The following RPRD1A variants were observed in gnomAD, a reference collection of about 807,000 sequenced individuals.
RPRD1A encodes the protein regulation of nuclear pre-mRNA domain containing 1A, also known as regulation of nuclear pre-mRNA domain-containing protein 1A.
Under a neutral mutation model 37.8 loss-of-function variants are expected in RPRD1A, and 9 were observed. The ratio of observed to expected loss-of-function variants is 0.24; its 90% confidence interval spans 0.14 to 0.42. The LOEUF is 0.42. Among genes scored for constraint, RPRD1A ranks in the 10% least tolerant of loss-of-function variants. RPRD1A has a pLI of 1.00. For synonymous variants in RPRD1A, 138 were observed against 139.7 expected, an observed-to-expected ratio of 0.99 and a Z score of 0.08; for missense variants, 255 against 371.0, an observed-to-expected ratio of 0.69 and a Z score of 2.57.
chr18:36,066,577 ACTTCATT>A (rs1398088443), intron 1 of RPRD1A, among the ~76,000 whole-genome samples: 18 of 152,230 alleles, frequency 1.2e-4, no homozygotes, highest in Non-Finnish European at 2.2e-4. Context: ...AAAAAAGTTT[ACTTCATT>A]TACAGGAACA....
intron 4 of RPRD1A, among the ~76,000 whole-genome samples, chr18:36,029,515 CTTGTT>C (rs1233973320): frequency 1.3e-5 from 2 of 151,774 alleles, no homozygotes; most frequent in Non-Finnish European, 2.9e-5. Flanking sequence ...ATACATTCGC[CTTGTT>C]TTAAGAGTAT....
chr18:36,048,384 C>A (rs1913117550), intron 1 of RPRD1A, among the ~76,000 whole-genome samples: 1 of 151,946 alleles, frequency 6.6e-6, no homozygotes, highest in African/African-American at 2.4e-5. Flanking sequence ...ACATTCTTAA[C>A]AAAATATTAG....
intron 6 of RPRD1A, among the ~76,000 whole-genome samples, chr18:36,001,902 T>C (rs544155818): frequency 1.2e-4 from 19 of 152,344 alleles, no homozygotes; most frequent in Middle Eastern, 3.4e-3. Flanking sequence ...TTTCATTGGA[T>C]ATATAATTCT....
At chr18:36,020,376 G>A (rs1910914551) in intron 6 of RPRD1A, among the ~76,000 whole-genome samples, 1 of 152,158 alleles carries the variant, frequency 6.6e-6, no homozygotes, top group African/African-American at 2.4e-5. Context: ...GATGTCCTAT[G>A]TTATCTAACC....
intron 6 of RPRD1A, among the ~76,000 whole-genome samples, chr18:36,009,691 G>T (rs945981893): frequency 6.6e-6 from 1 of 152,148 alleles, no homozygotes; most frequent in African/African-American, 2.4e-5. Context: ...CAACCATTAT[G>T]AATAGAACTT....
intron 1 of RPRD1A, among the ~76,000 whole-genome samples, chr18:36,057,272 T>C (rs947346990): frequency 1.3e-5 from 2 of 148,756 alleles, no homozygotes; most frequent in African/African-American, 4.9e-5. Flanking sequence ...CACACACACA[T>C]ACACACACCT....
intron 6 of RPRD1A, among the ~76,000 whole-genome samples, chr18:36,017,922 T>C (rs1001211367): frequency 6.6e-6 from 1 of 152,252 alleles, no homozygotes; most frequent in South Asian, 2.1e-4. Flanking sequence ...GGATTACTAC[T>C]GTTCATTTCT....
intron 1 of RPRD1A, among the ~76,000 whole-genome samples, chr18:36,048,952 A>AG (rs1365595208): frequency 1.3e-5 from 2 of 152,260 alleles, no homozygotes; most frequent in Non-Finnish European, 2.9e-5. Flanking sequence ...CACAGGCTGG[A>AG]GTGCAGTGGC....
In RPRD1A at chr18:36,031,099, TAA is replaced by T. The variant is rs377216293; in HGVS notation, c.282-4_282-3del. ...TTCTTACAACTTTCATCAGTTTCAC[TAA>T]AAAAAAAAAAAAAGAAAAAAAGAAA... On this transcript the variant is annotated splice_polypyrimidine_tract_variant and splice_region_variant and intron_variant, in intron 2 of 6. Coordinates refer to ENST00000399022, the MANE Select transcript of RPRD1A (RefSeq NM_018170.5). 0.026 allele frequency: 33,893 copies of T among 1,280,000 alleles called. No homozygotes were observed. The highest frequency in any genetic ancestry group is 0.058 in the South Asian group (3,404 of 59,072). 79.3% of individuals were successfully genotyped at this position (1,280,000 alleles called of 1,614,324 possible). A position where few individuals can be genotyped will look rare whatever the true frequency, so the allele number is the denominator to read the frequency against.
intron 6 of RPRD1A, among the ~76,000 whole-genome samples, chr18:36,005,348 C>CA (rs895969572): frequency 6.6e-6 from 1 of 151,786 alleles, no homozygotes; most frequent in Non-Finnish European, 1.5e-5. Context: ...CTATTTAAAA[C>CA]AAAAAAAGAA....
At chr18:36,062,174 G>A (rs1464956490) in intron 1 of RPRD1A, among the ~76,000 whole-genome samples, 9 of 151,260 alleles carry the variant, frequency 6.0e-5, no homozygotes, top group South Asian at 4.2e-4. Flanking sequence ...AAAATTAGCC[G>A]GGCGCGGTGG....
At chr18:36,014,847 C>T (rs955823494) in intron 6 of RPRD1A, among the ~76,000 whole-genome samples, 1 of 152,066 alleles carries the variant, frequency 6.6e-6, no homozygotes, top group Non-Finnish European at 1.5e-5. Context: ...AAAAGGTGTT[C>T]AATATCATTA....
chr18:36,044,816 A>G (rs961323792), intron 1 of RPRD1A, among the ~76,000 whole-genome samples: 1 of 152,260 alleles, frequency 6.6e-6, no homozygotes, highest in Admixed American at 6.5e-5. Context: ...GTGATTTTAA[A>G]AACTGCAATT....
chr18:36,044,099 A>G (rs950009213), intron 1 of RPRD1A, among the ~76,000 whole-genome samples: 1 of 152,238 alleles, frequency 6.6e-6, no homozygotes, highest in Non-Finnish European at 1.5e-5. Context: ...TGTTTTCATC[A>G]AAAAGGTTTT....
At chr18:36,061,564 T>C (rs888032749) in intron 1 of RPRD1A, among the ~76,000 whole-genome samples, 1 of 152,250 alleles carries the variant, frequency 6.6e-6, no homozygotes, top group Non-Finnish European at 1.5e-5. Context: ...TAAGTTCAGG[T>C]ATGTTCATGG....
At chr18:36,034,627 T>C (rs1912057415) in intron 1 of RPRD1A, among the ~76,000 whole-genome samples, 1 of 152,198 alleles carries the variant, frequency 6.6e-6, no homozygotes, top group African/African-American at 2.4e-5. Flanking sequence ...TAGAATTAAA[T>C]TTGAATCACT....
chr18:36,034,295 T>C, intron 1 of RPRD1A, among the ~76,000 whole-genome samples: 1 of 152,218 alleles, frequency 6.6e-6, no homozygotes, highest in East Asian at 1.9e-4. Flanking sequence ...TTTTTGTTTA[T>C]GCAATAAATA....
At chr18:36,044,312 T>C (rs1912801090) in intron 1 of RPRD1A, among the ~76,000 whole-genome samples, 2 of 152,198 alleles carry the variant, frequency 1.3e-5, no homozygotes, top group Non-Finnish European at 2.9e-5. Flanking sequence ...AAAGGGAAAC[T>C]GTAATTAAAT....
intron 6 of RPRD1A, chr18:36,025,297 G>A (rs1370930378): frequency 1.8e-5 from 4 of 223,756 alleles, no homozygotes; most frequent in Non-Finnish European, 3.6e-5. Flanking sequence ...TGCTGTGTAA[G>A]ATTAAATGAG....
Sources: gnomAD v4.1 joint callset for allele counts (sites outside exome capture counted in the v4.1 genomes callset) on GRCh38, gnomAD v4.1.1 for gene constraint, MANE v1.5 for transcripts, NCBI Gene and HGNC (gene_info 2026-07-23, HGNC 2026-07-21) for gene names.